Variants in LECT2 observed in about 807,000 individuals in gnomAD.
The protein encoded by LECT2 is leukocyte cell-derived chemotaxin-2.
Under a neutral mutation model 16.6 loss-of-function variants are expected in LECT2, and 11 were observed. That is an observed-to-expected ratio of 0.66 (90% CI 0.42 to 1.09). The LOEUF (loss-of-function observed/expected upper bound fraction) is 1.09, where lower values mean the gene tolerates loss of function less well. Ranked by LOEUF, LECT2 falls within the 50% of genes least tolerant of loss-of-function variation. LECT2 has a pLI of 0.00. For missense variants in LECT2, 173 were observed against 184.2 expected (o/e 0.94, Z 0.35); for synonymous variants, 54 against 64.8 (o/e 0.83, Z 0.80).
In LECT2 at chr5:135,947,275, C is replaced by A; in HGVS notation, c.*56G>T. ...CAAATTTCTTGAAGAGAAGGGTATG[C>A]ATCCAGGTTTTTAAGATGACTTTTT... On this transcript the variant is annotated 3_prime_UTR_variant, in exon 4 of 4. Transcript: ENST00000274507. 1 of 1,522,504 alleles carries A rather than the reference C, an allele frequency of 6.6e-7. No individual in the cohort carries two copies. The highest frequency in any genetic ancestry group is 1.4e-5 in the African/African-American group (1 of 72,850). The allele number at this position is 1,522,504 out of a possible 1,614,324, so 94.3% of individuals were successfully genotyped here.
Position 135,952,857 on chromosome 5 carries a change from G to A in LECT2, c.143+14C>T, listed in dbSNP as rs759817511. ...GGACCAAAGGGTTGGGTGGGTGGTTGTGCAACTTCATACCTTTGAGCAGAG... is the reference window on the plus strand; with the variant it reads ...GGACCAAAGGGTTGGGTGGGTGGTTATGCAACTTCATACCTTTGAGCAGAG... On this transcript the variant is annotated intron_variant, in intron 2 of 3. Transcript: ENST00000274507. 4 of 1,593,360 alleles carry A rather than the reference G, an allele frequency of 2.5e-6. No individual in the cohort carries two copies. The highest frequency in any genetic ancestry group is 3.4e-6 in the Non-Finnish European group (4 of 1,161,170).
At chr5:135,951,567 CATAAAG>C in intron 2 of LECT2, 199 bp from the exon 3 acceptor site, 1 of 497,716 alleles carries the variant, frequency 2.0e-6, no homozygotes, top group Non-Finnish European at 3.6e-6. Context: ...ATAACCATAT[CATAAAG>C]ATGAAAGCAT....
Position 135,951,381 on chromosome 5 carries a change from T to C in LECT2, c.144-13A>G, listed in dbSNP as rs780796463. ...AGGCCTCTGACTTCTAGGATGTAAA[T>C]AAGAACGAACAGACTGAGGAACTGC... On this transcript the variant is annotated splice_polypyrimidine_tract_variant and intron_variant, in intron 2 of 3. Coordinates refer to ENST00000274507, the MANE Select transcript of LECT2 (RefSeq NM_002302.3). 6.2e-7 allele frequency: 1 copy of C among 1,611,822 alleles called. No individual in the cohort carries two copies. The highest frequency in any genetic ancestry group is 8.5e-7 in the Non-Finnish European group (1 of 1,178,638).
chr5:135,948,685 A>ATTTT (rs71833626), intron 3 of LECT2, among the ~76,000 whole-genome samples: 8 of 144,878 alleles, frequency 5.5e-5, no homozygotes, highest in South Asian at 4.3e-4. Context: ...TATTATTATT[A>ATTTT]TTTTTTTGAG....
At chr5:135,953,916 C>A (rs541170923) in intron 1 of LECT2, among the ~76,000 whole-genome samples, 1 of 151,436 alleles carries the variant, frequency 6.6e-6, no homozygotes, top group Non-Finnish European at 1.5e-5. Flanking sequence ...AATTATGAAA[C>A]GTGGAGGAGG....
In LECT2 at chr5:135,951,426, C is replaced by T. The variant is rs1162097189; in HGVS notation, c.144-58G>A. The T allele has an allele frequency of 2.0e-6, 3 of 1,511,484 alleles. No homozygotes were observed. The Admixed American group carries it at 5.3e-5, about 27-fold the overall frequency. 93.6% of individuals were successfully genotyped at this position (1,511,484 alleles called of 1,614,324 possible). A position where few individuals can be genotyped will look rare whatever the true frequency, so the allele number is the denominator to read the frequency against. ...AACTGCCTTAGGGGAGCTTTACTGC[C>T]TGGGAACATGGTGTTAGCCCACTGT... is the stretch of plus-strand genomic sequence containing the variant. On this transcript the variant is annotated intron_variant, in intron 2 of 3. Transcript: ENST00000274507.
At chr5:135,950,274 A>G (rs1318412420) in intron 3 of LECT2, among the ~76,000 whole-genome samples, 1 of 152,272 alleles carries the variant, frequency 6.6e-6, no homozygotes, top group Non-Finnish European at 1.5e-5. Flanking sequence ...AATATCATGC[A>G]TCAGAAAGAA....
At chr5:135,950,558 G>T (rs1763776034) in intron 3 of LECT2, among the ~76,000 whole-genome samples, 1 of 152,178 alleles carries the variant, frequency 6.6e-6, no homozygotes, top group Non-Finnish European at 1.5e-5. Context: ...ATACATGGAT[G>T]TGTTGTGCAC....
At chr5:135,951,202 T>C in intron 3 of LECT2, 21 bp downstream of exon 3, 2 of 1,612,802 alleles carry the variant, frequency 1.2e-6, no homozygotes, top group Non-Finnish European at 1.7e-6. Context: ...GCACCCCAGG[T>C]GTAGACTCCA....
Position 135,953,090 on chromosome 5 carries a change from A to T in LECT2, c.47-123T>A. 3 of 635,886 alleles carry T rather than the reference A, an allele frequency of 4.7e-6. No homozygotes were observed. In the East Asian group the frequency reaches 8.2e-5, roughly 17 times the overall value. The allele number at this position is 635,886 out of a possible 1,614,324, so 39.4% of individuals were successfully genotyped here. A position where few individuals can be genotyped will look rare whatever the true frequency, so the allele number is the denominator to read the frequency against. ...TTCACTGTAGTTTTCCCTGGACTTT[A>T]TGTATTTATGGGAAGATCGTCCTTC... On this transcript the variant is annotated intron_variant, in intron 1 of 3. Transcript: ENST00000274507.
At chr5:135,947,636 G>A (rs1763723924) in intron 3 of LECT2, 139 bp from the exon 4 acceptor site, 2 of 1,014,388 alleles carry the variant, frequency 2.0e-6, no homozygotes, top group Non-Finnish European at 2.7e-6. Context: ...ATGACAAAAT[G>A]ATATTAAAAA....
chr5:135,951,491 G>T (rs1296141175), intron 2 of LECT2, 123 bp from the exon 3 acceptor site: 2 of 898,334 alleles, frequency 2.2e-6, no homozygotes, highest in Non-Finnish European at 3.3e-6. Flanking sequence ...GCCAGAACAT[G>T]TTGGGATGTC....
rs116485742 is a variant in LECT2 at position 135,946,908 on chromosome 5, C to A, written c.*423G>T. ...GTGTCAAAAATGCAGCCTGGCCCAG[C>A]GTAAGTTCTCTTGTTTATTTATCTT... On this transcript the variant is annotated 3_prime_UTR_variant, in exon 4 of 4. Transcript: ENST00000274507. The A allele has an allele frequency of 0.016, 2,382 of 151,816 alleles. 27 individuals are homozygous for A. The highest frequency in any genetic ancestry group is 0.024 in the Non-Finnish European group (1,640 of 68,600). The allele number at this position is 151,816 out of a possible 1,614,324, so 9.4% of individuals were successfully genotyped here.
intron 3 of LECT2, among the ~76,000 whole-genome samples, chr5:135,947,933 G>A (rs1763726711): frequency 6.6e-6 from 1 of 152,212 alleles, no homozygotes; most frequent in South Asian, 2.1e-4. Flanking sequence ...ATAAAATGGT[G>A]TTGGGTACAA....
chr5:135,950,736 A>G (rs1763780218), intron 3 of LECT2: 1 of 158,972 alleles, frequency 6.3e-6, no homozygotes, highest in Admixed American at 6.5e-5. Context: ...GAGTAAATGC[A>G]AGTATCTATC....
intron 2 of LECT2, among the ~76,000 whole-genome samples, chr5:135,951,956 C>T (rs1041513252): frequency 2.0e-5 from 3 of 152,134 alleles, no homozygotes; most frequent in African/African-American, 4.8e-5. Flanking sequence ...TCTTGCTTCC[C>T]GCTGCTGTCA....
chr5:135,948,621 G>GT (rs148778487), intron 3 of LECT2, among the ~76,000 whole-genome samples: 4,636 of 150,500 alleles, frequency 0.031, 246 homozygotes, highest in African/African-American at 0.11. Context: ...AAAATACCAT[G>GT]TTTTTTTACT....
intron 2 of LECT2, 141 bp from the exon 3 acceptor site, chr5:135,951,509 G>T: frequency 2.8e-6 from 2 of 725,554 alleles, no homozygotes; most frequent in Non-Finnish European, 4.4e-6. Context: ...GTCCCAGGAT[G>T]CCTCACTCTG....
intron 1 of LECT2, chr5:135,953,288 A>G (rs986028083): frequency 7.9e-6 from 2 of 253,438 alleles, no homozygotes; most frequent in Non-Finnish European, 1.5e-5. Flanking sequence ...TTCAACCTCC[A>G]TCTCCTGGGT....
Sources: gnomAD v4.1 joint callset for allele counts (sites outside exome capture counted in the v4.1 genomes callset) on GRCh38, gnomAD v4.1.1 for gene constraint, MANE v1.5 for transcripts, NCBI Gene and HGNC (gene_info 2026-07-23, HGNC 2026-07-21) for gene names.